Variants in MSRB3 observed in about 807,000 individuals in gnomAD.
The protein encoded by MSRB3 is methionine sulfoxide reductase B3, also known as methionine-R-sulfoxide reductase B3.
In MSRB3, 13 loss-of-function variants were observed where a neutral mutation model predicts 21.0. The ratio of observed to expected loss-of-function variants is 0.62; its 90% confidence interval spans 0.40 to 0.98. The LOEUF (loss-of-function observed/expected upper bound fraction) is 0.98. Among genes scored for constraint, MSRB3 ranks in the 50% least tolerant of loss-of-function variants. The pLI is 0.00. For missense variants in MSRB3, 199 were observed against 230.3 expected (o/e 0.86, Z 0.88); for synonymous variants, 87 against 88.6 (o/e 0.98, Z 0.10).
intron 1 of MSRB3, chr12:65,285,822 AAAAC>A (rs1218262595): frequency 6.6e-6 from 1 of 152,240 alleles, no homozygotes; most frequent in Non-Finnish European, 1.5e-5. Context: ...CCTATCTCAG[AAAAC>A]AAACAAAAAT....
intron 2 of MSRB3, among the ~76,000 whole-genome samples, chr12:65,315,477 C>G (rs1350778042): frequency 6.6e-6 from 1 of 151,948 alleles, no homozygotes; most frequent in African/African-American, 2.4e-5. Context: ...TGAGACCAGC[C>G]TGGCCAACAT....
At chr12:65,382,859 TATATATATAC>T (rs1879013974) in intron 5 of MSRB3, among the ~76,000 whole-genome samples, 1 of 151,694 alleles carries the variant, frequency 6.6e-6, no homozygotes, top group Non-Finnish European at 1.5e-5. Context: ...CACACACGTG[TATATATATAC>T]ATGCATATAT....
At chr12:65,393,681 T>A (rs962063989) in intron 5 of MSRB3, among the ~76,000 whole-genome samples, 1 of 150,960 alleles carries the variant, frequency 6.6e-6, no homozygotes, top group Non-Finnish European at 1.5e-5. Context: ...TTATGGTTTG[T>A]GTTTGTTGTT....
intron 4 of MSRB3, among the ~76,000 whole-genome samples, chr12:65,335,610 T>TTCCCTC (rs1875713175): frequency 6.6e-6 from 1 of 151,780 alleles, no homozygotes; most frequent in Non-Finnish European, 1.5e-5. Flanking sequence ...TGATGCAATT[T>TTCCCTC]TGTGTGTGTG....
chr12:65,330,293 G>C (rs75816534), intron 4 of MSRB3, among the ~76,000 whole-genome samples: 2,383 of 152,316 alleles, frequency 0.016, 44 homozygotes, highest in East Asian at 0.056. Flanking sequence ...GTGGGAGTCA[G>C]GTTTCACATT....
intron 4 of MSRB3, among the ~76,000 whole-genome samples, chr12:65,346,007 C>T (rs1876477608): frequency 6.6e-6 from 1 of 152,080 alleles, no homozygotes; most frequent in Non-Finnish European, 1.5e-5. Context: ...GGGTTGGTTC[C>T]AAGTCTTTGC....
intron 1 of MSRB3, among the ~76,000 whole-genome samples, chr12:65,304,154 A>C (rs971825988): frequency 6.6e-6 from 1 of 152,198 alleles, no homozygotes; most frequent in African/African-American, 2.4e-5. Context: ...ATTGAGACGA[A>C]GTTAAGCAGC....
At chr12:65,387,412 T>G (rs1879248740) in intron 5 of MSRB3, among the ~76,000 whole-genome samples, 1 of 152,166 alleles carries the variant, frequency 6.6e-6, no homozygotes, top group African/African-American at 2.4e-5. Context: ...CTGTATTTTC[T>G]TTGCCTATCT....
chr12:65,451,136 C>G (rs539433468), intron 5 of MSRB3, among the ~76,000 whole-genome samples: 1 of 152,168 alleles, frequency 6.6e-6, no homozygotes, highest in Non-Finnish European at 1.5e-5. Flanking sequence ...CGTGGTTTTT[C>G]GTGTCCATCT....
intron 4 of MSRB3, among the ~76,000 whole-genome samples, chr12:65,330,950 A>G (rs1875376519): frequency 2.0e-5 from 3 of 152,108 alleles, no homozygotes; most frequent in Non-Finnish European, 4.4e-5. Context: ...AAACGAAATA[A>G]TTGGAAGTCT....
intron 6 of MSRB3, 133 bp from the exon 7 acceptor site, chr12:65,463,022 G>T: frequency 1.8e-6 from 2 of 1,129,814 alleles, no homozygotes; most frequent in Non-Finnish European, 1.3e-6. Context: ...TTGACAGGCG[G>T]ATTAGAAATC....
intron 5 of MSRB3, among the ~76,000 whole-genome samples, chr12:65,450,508 A>C (rs573026081): frequency 6.6e-6 from 1 of 152,334 alleles, no homozygotes; most frequent in South Asian, 2.1e-4. Context: ...TCAAATAGAA[A>C]CTAAGGGATG....
chr12:65,411,843 A>G (rs1186305227), intron 5 of MSRB3, among the ~76,000 whole-genome samples: 1 of 150,386 alleles, frequency 6.6e-6, no homozygotes, highest in African/African-American at 2.4e-5. Context: ...TAATATTTAG[A>G]TTTATATGTA....
chr12:65,326,318 T>A (rs1875024130), intron 2 of MSRB3, among the ~76,000 whole-genome samples: 1 of 152,148 alleles, frequency 6.6e-6, no homozygotes, highest in African/African-American at 2.4e-5. Flanking sequence ...CATAGAAAAA[T>A]ATATTTTTAG....
At chr12:65,366,191 G>C (rs1194953310) in intron 4 of MSRB3, among the ~76,000 whole-genome samples, 1 of 152,142 alleles carries the variant, frequency 6.6e-6, no homozygotes, top group Non-Finnish European at 1.5e-5. Context: ...TTGAGACAGG[G>C]GGCCCCTGCT....
chr12:65,293,543 T>A (rs906339606), intron 1 of MSRB3, among the ~76,000 whole-genome samples: 2 of 152,216 alleles, frequency 1.3e-5, no homozygotes, highest in Admixed American at 1.3e-4. Context: ...GAATACTTCT[T>A]TCCTTATTCT....
chr12:65,428,908 A>G (rs923382343), intron 5 of MSRB3, among the ~76,000 whole-genome samples: 2 of 152,160 alleles, frequency 1.3e-5, no homozygotes, highest in Non-Finnish European at 2.9e-5. Flanking sequence ...TAAGATAGAC[A>G]TGGGGTTTCT....
intron 5 of MSRB3, among the ~76,000 whole-genome samples, chr12:65,394,081 T>C (rs1021926659): frequency 5.3e-5 from 8 of 152,134 alleles, no homozygotes; most frequent in Admixed American, 4.6e-4. Flanking sequence ...GAATTATATA[T>C]GGAATATGAA....
intron 5 of MSRB3, among the ~76,000 whole-genome samples, chr12:65,376,637 A>G (rs1878640835): frequency 6.6e-6 from 1 of 152,030 alleles, no homozygotes; most frequent in African/African-American, 2.4e-5. Flanking sequence ...CAATGAGAAC[A>G]CATGGACACA....
Sources: gnomAD v4.1 joint callset for allele counts (sites outside exome capture counted in the v4.1 genomes callset) on GRCh38, gnomAD v4.1.1 for gene constraint, MANE v1.5 for transcripts, NCBI Gene and HGNC (gene_info 2026-07-23, HGNC 2026-07-21) for gene names.